UNC13C: variants seen among roughly 807,000 people sequenced by gnomAD.
UNC13C encodes protein unc-13 homolog C.
Under a neutral mutation model 245.4 loss-of-function variants are expected in UNC13C, and 174 were observed. The ratio of observed to expected loss-of-function variants is 0.71; its 90% CI spans 0.63 to 0.80. UNC13C has a LOEUF of 0.80. UNC13C is among the 30% of genes least tolerant of loss of function. UNC13C has a pLI of 0.00. For synonymous variants in UNC13C, 992 were observed against 895.1 expected (o/e 1.11, Z -1.93); for missense variants, 2,829 against 2,602.9 (o/e 1.09, Z -1.89).
At chr15:54,244,293 C>A (rs1212621854) in intron 7 of UNC13C, among the ~76,000 whole-genome samples, 1 of 151,950 alleles carries the variant, frequency 6.6e-6, no homozygotes, top group Non-Finnish European at 1.5e-5. Flanking sequence ...GGTGCATGGT[C>A]TTGTTTCTTA....
At chr15:54,267,427 T>C (rs967883072) in intron 10 of UNC13C, among the ~76,000 whole-genome samples, 1 of 152,242 alleles carries the variant, frequency 6.6e-6, no homozygotes, top group Middle Eastern at 3.4e-3. Context: ...ATTTCTTGAT[T>C]AACTATGGTA....
intron 20 of UNC13C, among the ~76,000 whole-genome samples, chr15:54,497,205 A>C (rs1567328268): frequency 6.6e-6 from 1 of 152,146 alleles, no homozygotes; most frequent in Admixed American, 6.6e-5. Context: ...AAACAGCATC[A>C]GAAAGACAAC....
intron 30 of UNC13C, among the ~76,000 whole-genome samples, chr15:54,589,850 GT>G (rs984138031): frequency 2.0e-5 from 3 of 152,062 alleles, no homozygotes; most frequent in African/African-American, 7.2e-5. Context: ...TTGCTTTTGA[GT>G]TTTTAGTCAT....
intron 24 of UNC13C, among the ~76,000 whole-genome samples, chr15:54,521,425 A>G (rs889394079): frequency 9.2e-5 from 14 of 152,218 alleles, no homozygotes; most frequent in African/African-American, 3.1e-4. Flanking sequence ...TCTTCCATGC[A>G]AAGTCTATTT....
intron 19 of UNC13C, among the ~76,000 whole-genome samples, chr15:54,493,486 T>C (rs1302038767): frequency 6.6e-6 from 1 of 152,144 alleles, no homozygotes; most frequent in Non-Finnish European, 1.5e-5. Context: ...TGGGGTTGAG[T>C]TCTCTCTTAT....
the UNC13C span, among the ~76,000 whole-genome samples, chr15:53,848,528 T>G: frequency 6.6e-6 from 1 of 152,180 alleles, no homozygotes; most frequent in Non-Finnish European, 1.5e-5. Flanking sequence ...TGAGACTTAT[T>G]TTGTGGATAA....
At chr15:54,588,806 C>T (rs929453559) in intron 30 of UNC13C, among the ~76,000 whole-genome samples, 9 of 152,122 alleles carry the variant, frequency 5.9e-5, no homozygotes, top group Admixed American at 4.6e-4. Context: ...TCATTGCAAA[C>T]GCTGTTAATT....
At chr15:54,513,211 C>G (rs1894828286) in intron 24 of UNC13C, among the ~76,000 whole-genome samples, 1 of 152,092 alleles carries the variant, frequency 6.6e-6, no homozygotes, top group African/African-American at 2.4e-5. Context: ...TTGAAGTCCA[C>G]TTAGCATTTA....
At chr15:53,988,054 C>T (rs1421230504) in intron 1 of UNC13C, among the ~76,000 whole-genome samples, 1 of 151,960 alleles carries the variant, frequency 6.6e-6, no homozygotes, top group Non-Finnish European at 1.5e-5. Flanking sequence ...ACTTCTCTCC[C>T]TCACCATCCA....
At chr15:54,154,677 CT>C (rs1309971992) in intron 4 of UNC13C, among the ~76,000 whole-genome samples, 1 of 152,172 alleles carries the variant, frequency 6.6e-6, no homozygotes, top group African/African-American at 2.4e-5. Context: ...GCACTTTGAT[CT>C]TCATAGTTGT....
chr15:54,220,616 A>T (rs534764987), intron 4 of UNC13C, among the ~76,000 whole-genome samples: 2 of 147,850 alleles, frequency 1.4e-5, no homozygotes, highest in Non-Finnish European at 3.0e-5. Context: ...AATAAAAAAA[A>T]TTAAAAAAAT....
chr15:53,953,883 A>G, the UNC13C span, among the ~76,000 whole-genome samples: 5 of 152,240 alleles, frequency 3.3e-5, no homozygotes, highest in Non-Finnish European at 7.3e-5. Context: ...AGCACAGTCC[A>G]GACCTGCTTG....
chr15:54,512,358 G>A lies in UNC13C; in HGVS notation c.5457+528G>A, dbSNP rs143751933. The A allele has an allele frequency of 4.5e-3, 2,045 of 455,868 alleles. 37 individuals carry two copies. Among genetic ancestry groups the A allele is most frequent in the East Asian group, 0.013 (181 of 14,382 alleles). 28.2% of individuals were successfully genotyped at this position (455,868 alleles called of 1,614,324 possible). Reference sequence around the variant, plus strand: ...CAATTCCATGAGCAGAAGAAGGAAGGAGAAAGATTCTTTTATGAGGTTTGT... The same window carrying A: ...CAATTCCATGAGCAGAAGAAGGAAGAAGAAAGATTCTTTTATGAGGTTTGT... On this transcript the variant is annotated intron_variant, in intron 24 of 32. Coordinates refer to ENST00000260323, the MANE Select transcript of UNC13C (RefSeq NM_001080534.3).
At chr15:54,064,078 CTT>C (rs1283933098) in intron 2 of UNC13C, among the ~76,000 whole-genome samples, 2 of 151,802 alleles carry the variant, frequency 1.3e-5, no homozygotes, top group African/African-American at 4.8e-5. Context: ...AATTTTTCTT[CTT>C]CTTTTTTTTT....
At chr15:54,236,517 G>A in intron 6 of UNC13C, 82 bp downstream of exon 6, 1 of 1,056,024 alleles carries the variant, frequency 9.5e-7, no homozygotes, top group Non-Finnish European at 1.4e-6. Flanking sequence ...GTAAAAGAGG[G>A]CAAGAATGGA....
intron 4 of UNC13C, among the ~76,000 whole-genome samples, chr15:54,195,138 C>G (rs1307313865): frequency 9.8e-6 from 1 of 102,004 alleles, no homozygotes; most frequent in Admixed American, 9.4e-5. Context: ...ATTTCAATCC[C>G]CATGATCTCT....
At chr15:53,876,167 G>T in the UNC13C span, among the ~76,000 whole-genome samples, 1 of 152,160 alleles carries the variant, frequency 6.6e-6, no homozygotes, top group Non-Finnish European at 1.5e-5. Flanking sequence ...TTTTGCTCAT[G>T]TTGCATTTTG....
intron 4 of UNC13C, among the ~76,000 whole-genome samples, chr15:54,189,824 G>A (rs1012993736): frequency 2.2e-4 from 33 of 152,146 alleles, no homozygotes; most frequent in African/African-American, 7.7e-4. Context: ...GATTGCGGCG[G>A]CATCTTGATT....
intron 23 of UNC13C, among the ~76,000 whole-genome samples, chr15:54,510,408 G>A (rs1894681311): frequency 6.6e-6 from 1 of 152,144 alleles, no homozygotes; most frequent in Non-Finnish European, 1.5e-5. Context: ...ACTCACTATG[G>A]AAAGGACTAA....
Sources: allele counts gnomAD v4.1 joint callset (sites outside exome capture counted in the v4.1 genomes callset), GRCh38; gene constraint gnomAD v4.1.1; transcripts MANE v1.5; gene names NCBI Gene and HGNC (gene_info 2026-07-23, HGNC 2026-07-21).